Variants in ADIRF observed in about 807,000 individuals in gnomAD.
ADIRF encodes the protein adipogenesis factor rich in obesity.
In ADIRF, 9 loss-of-function variants were observed where a neutral mutation model predicts 7.8. The observed-to-expected ratio is 1.15, with a 90% CI of 0.70 to 2.01. The LOEUF (loss-of-function observed/expected upper bound fraction) is 2.01, where lower values mean the gene tolerates loss of function less well. ADIRF is among the 30% of genes most tolerant of loss of function. The pLI, the probability that ADIRF is intolerant of heterozygous loss-of-function variation, is 0.00. For missense variants in ADIRF, 106 were observed against 98.1 expected (o/e 1.08, Z -0.34); for synonymous variants, 48 against 39.9 (o/e 1.20, Z -0.77).
rs757892121 is a variant in ADIRF, at chr10:86,970,657, T to C, written c.*75T>C. Reference sequence around the variant, plus strand: ...GGTGACCCCCCTTCCAGGCGCCATCTAGCACAGCCTGGCCCTGATCTCCGG... The same window carrying C: ...GGTGACCCCCCTTCCAGGCGCCATCCAGCACAGCCTGGCCCTGATCTCCGG... On this transcript the variant is annotated 3_prime_UTR_variant, in exon 3 of 3. Transcript: ENST00000372013. 14 of 1,248,186 alleles carry C rather than the reference T, an allele frequency of 1.1e-5. No homozygotes were observed. Among genetic ancestry groups the C allele is most frequent in the Non-Finnish European group, 1.6e-5 (14 of 869,774 alleles). 77.3% of individuals were successfully genotyped at this position (1,248,186 alleles called of 1,614,324 possible).
At chr10:86,970,027 T>C (rs143591572) in intron 1 of ADIRF, 173 bp from the exon 2 acceptor site, 2 of 472,300 alleles carry the variant, frequency 4.2e-6, no homozygotes, top group Non-Finnish European at 7.1e-6. Flanking sequence ...CATGGAAAGG[T>C]CTCCTGCCCC....
At position 86,968,498 on chromosome 10, in the gene ADIRF, A is replaced by G; in HGVS notation, c.-47A>G. The G allele has an allele frequency of 6.2e-7, 1 of 1,610,384 alleles. No individual in the cohort carries two copies. The highest frequency in any genetic ancestry group is 8.5e-7 in the Non-Finnish European group (1 of 1,177,888). ...GGCATCGCCACTCTGGGCAGGATCC[A>G]ACGTCGCTCCAGCTGCTCTTGACGA... On this transcript the variant is annotated 5_prime_UTR_variant, in exon 1 of 3. Transcript: ENST00000372013.
At chr10:86,970,053 C>G in intron 1 of ADIRF, 147 bp from the exon 2 acceptor site, 1 of 725,538 alleles carries the variant, frequency 1.4e-6, no homozygotes, top group Non-Finnish European at 2.0e-6. Flanking sequence ...CTGGGGGGCC[C>G]TGGGCCAGGG....
At chr10:86,968,841 C>A (rs1311587819) in intron 1 of ADIRF, 7 of 502,908 alleles carry the variant, frequency 1.4e-5, no homozygotes, top group Non-Finnish European at 1.7e-5. Flanking sequence ...GCGCTGCGGG[C>A]ACTGCGGGAG....
rs1471216320 is a variant in ADIRF at position 86,970,517 on chromosome 10, A to G, written c.166A>G (p.Lys56Glu). ...LAKTTQETID[K>E]TANQASDTFS... ...CAAGACCACCCAGGAAACCATCGAC[A>G]AGACTGCTAACCAGGCCTCTGACAC... The change falls in exon 3 of 3, where the codon AAG becomes GAG. Residue 56 changes from lysine (K) to glutamate (E), a missense_variant. Transcript: ENST00000372013. The G allele has an allele frequency of 1.2e-6, 2 of 1,613,616 alleles. No homozygotes were observed. The highest frequency in any genetic ancestry group is 1.1e-5 in the South Asian group (1 of 90,890).
In ADIRF at chr10:86,970,500, C is replaced by G; in HGVS notation, c.149C>G (p.Thr50Ser). The G allele has an allele frequency of 6.2e-7, 1 of 1,613,552 alleles. No individual in the cohort carries two copies. The highest frequency in any genetic ancestry group is 8.5e-7 in the Non-Finnish European group (1 of 1,179,800). ...GCCATGGACCAGCTGGCCAAGACCACCCAGGAAACCATCGACAAGACTGCT... is the reference window on the plus strand; with the variant it reads ...GCCATGGACCAGCTGGCCAAGACCAGCCAGGAAACCATCGACAAGACTGCT... ...QKAMDQLAKTTQETIDKTANQ... is the reference protein window; with the variant it reads ...QKAMDQLAKTSQETIDKTANQ... Residue 50 changes from threonine (T) to serine (S), a missense_variant, in exon 3 of 3, where the codon ACC becomes AGC. By Grantham distance (58) the Thr-to-Ser change is moderately conservative. Coordinates refer to ENST00000372013, the MANE Select transcript of ADIRF (RefSeq NM_006829.3).
At chr10:86,970,000 C>T in intron 1 of ADIRF, 200 bp from the exon 2 acceptor site, 1 of 406,916 alleles carries the variant, frequency 2.5e-6, no homozygotes, top group African/African-American at 2.0e-5. Context: ...TAGAAATAAA[C>T]AAAAACATCC....
In ADIRF at chr10:86,970,558, G is replaced by T. The variant is rs1804882; in HGVS notation, c.207G>T (p.Gly69=). The T allele has an allele frequency of 1.9e-6, 3 of 1,612,704 alleles. No homozygotes were observed. The highest frequency in any genetic ancestry group is 1.7e-5 in the Admixed American group (1 of 59,858). ...NQASDTFSGI[G]KKFGLLK ...CCTCTGACACCTTCTCTGGGATTGG[G>T]AAAAAATTCGGCCTCCTGAAATGAC... Residue 69 remains glycine, a synonymous_variant, in exon 3 of 3, where the codon GGG becomes GGT. Coordinates refer to ENST00000372013, the MANE Select transcript of ADIRF (RefSeq NM_006829.3).
chr10:86,970,047 G>T, intron 1 of ADIRF, 153 bp from the exon 2 acceptor site: 1 of 627,832 alleles, frequency 1.6e-6, no homozygotes. Context: ...CTCGGGCTGG[G>T]GGGCCCTGGG....
In ADIRF at chr10:86,970,592, G is replaced by A. The variant is rs756892263; in HGVS notation, c.*10G>A. 14 of 1,596,866 alleles carry A rather than the reference G, an allele frequency of 8.8e-6. No homozygotes were observed. Among genetic ancestry groups the A allele is most frequent in the Non-Finnish European group, 1.2e-5 (14 of 1,168,572 alleles). ...CGGCCTCCTGAAATGACAGCAGGGAGACTTGGGTCGGCCTCCTGAAATGAC... is the reference window on the plus strand; with the variant it reads ...CGGCCTCCTGAAATGACAGCAGGGAAACTTGGGTCGGCCTCCTGAAATGAC... On this transcript the variant is annotated 3_prime_UTR_variant, in exon 3 of 3. Coordinates refer to ENST00000372013, the MANE Select transcript of ADIRF (RefSeq NM_006829.3).
At position 86,968,507 on chromosome 10, in the gene ADIRF, C is replaced by A. The variant is rs745579593; in HGVS notation, c.-38C>A. The A allele has an allele frequency of 1.2e-6, 2 of 1,612,300 alleles. No homozygotes were observed. The highest frequency in any genetic ancestry group is 1.1e-5 in the South Asian group (1 of 90,834). On this transcript the variant is annotated 5_prime_UTR_variant, in exon 1 of 3. Transcript: ENST00000372013. ...ACTCTGGGCAGGATCCAACGTCGCT[C>A]CAGCTGCTCTTGACGACTCCACAGA...
Position 86,970,540 on chromosome 10 carries a change from CACCTTCTCTGGGATTGGGA to C in ADIRF, c.191_209del (p.Thr64LysfsTer6), listed in dbSNP as rs1306837028. ...ACAAGACTGCTAACCAGGCCTCTGA[CACCTTCTCTGGGATTGGGA>C]AAAAATTCGGCCTCCTGAAATGACA... On this transcript the variant is annotated frameshift_variant, in exon 3 of 3. Transcript: ENST00000372013. LOFTEE classifies it high-confidence loss of function. The C allele has an allele frequency of 6.2e-7, 1 of 1,613,756 alleles. No individual in the cohort carries two copies. The highest frequency in any genetic ancestry group is 1.1e-5 in the South Asian group (1 of 90,932).
At position 86,970,187 on chromosome 10, in the gene ADIRF, C is replaced by A. The variant is rs1330978760; in HGVS notation, c.62-13C>A. The A allele has an allele frequency of 6.9e-7, 1 of 1,441,546 alleles. No homozygotes were observed. The highest frequency in any genetic ancestry group is 9.1e-7 in the Non-Finnish European group (1 of 1,093,522). 89.3% of individuals were successfully genotyped at this position (1,441,546 alleles called of 1,614,324 possible). A position where few individuals can be genotyped will look rare whatever the true frequency, so the allele number is the denominator to read the frequency against. On this transcript the variant is annotated splice_polypyrimidine_tract_variant and intron_variant, in intron 1 of 2. Coordinates refer to ENST00000372013, the MANE Select transcript of ADIRF (RefSeq NM_006829.3). ...CCTCAACAGGGGCTAAAAGCCACAT[C>A]TCTCTGTTCCAGTGTCAGCGGCCGG... is the stretch of plus-strand genomic sequence containing the variant.
Position 86,970,371 on chromosome 10 carries a change from C to A in ADIRF, c.125-105C>A, listed in dbSNP as rs1243462004. The A allele has an allele frequency of 2.7e-6, 4 of 1,505,722 alleles. No individual in the cohort carries two copies. The African/African-American group carries it at 5.5e-5, about 21-fold the overall frequency. The allele number at this position is 1,505,722 out of a possible 1,614,324, so 93.3% of individuals were successfully genotyped here. A position where few individuals can be genotyped will look rare whatever the true frequency, so the allele number is the denominator to read the frequency against. ...TCTCCTCTGCAGAGCCCTCTGTCCA[C>A]AATGCCCCAAGCAGGTCCCCCGGGA... On this transcript the variant is annotated intron_variant, in intron 2 of 2. Transcript: ENST00000372013.
Position 86,970,520 on chromosome 10 carries a change from A to G in ADIRF, c.169A>G (p.Thr57Ala), listed in dbSNP as rs145411502. ...GACCACCCAGGAAACCATCGACAAG[A>G]CTGCTAACCAGGCCTCTGACACCTT... ...AKTTQETIDKTANQASDTFSG... is the reference protein window; with the variant it reads ...AKTTQETIDKAANQASDTFSG... The change falls in exon 3 of 3, where the codon ACT (threonine) becomes GCT (alanine). Residue 57 changes from threonine to alanine, a missense_variant. By Grantham distance (58) the Thr-to-Ala change is moderately conservative. Transcript: ENST00000372013. 9.9e-6 allele frequency: 16 copies of G among 1,613,486 alleles called. No individual in the cohort carries two copies. Among genetic ancestry groups the G allele is most frequent in the Admixed American group, 5.0e-5 (3 of 59,942 alleles).
Position 86,970,543 on chromosome 10 carries a change from C to T in ADIRF, c.192C>T (p.Thr64=), listed in dbSNP as rs1844575385. Residue 64 remains threonine (T), a synonymous_variant, in exon 3 of 3, where the codon ACC becomes ACT. Transcript: ENST00000372013. ...IDKTANQASD[T]FSGIGKKFGL... ...AGACTGCTAACCAGGCCTCTGACAC[C>T]TTCTCTGGGATTGGGAAAAAATTCG... is the stretch of plus-strand genomic sequence containing the variant. 1.9e-6 allele frequency: 3 copies of T among 1,613,380 alleles called. No individual in the cohort carries two copies. Among genetic ancestry groups the T allele is most frequent in the Non-Finnish European group, 8.5e-7 (1 of 1,179,762 alleles).
chr10:86,968,769 C>A, intron 1 of ADIRF, 164 bp downstream of exon 1: 1 of 717,906 alleles, frequency 1.4e-6, no homozygotes, highest in South Asian at 2.1e-5. Flanking sequence ...CCCACCCCGG[C>A]GAGCAGACAG....
Position 86,970,632 on chromosome 10 carries a change from G to A in ADIRF, c.*50G>A. 6.7e-7 allele frequency: 1 copy of A among 1,484,642 alleles called. No individual in the cohort carries two copies. 92.0% of individuals were successfully genotyped at this position (1,484,642 alleles called of 1,614,324 possible). Reference sequence around the variant, plus strand: ...CCTGAAATGACAGCAGGGAGACTTGGGTGACCCCCCTTCCAGGCGCCATCT... The same window carrying A: ...CCTGAAATGACAGCAGGGAGACTTGAGTGACCCCCCTTCCAGGCGCCATCT... On this transcript the variant is annotated 3_prime_UTR_variant, in exon 3 of 3. Coordinates refer to ENST00000372013, the MANE Select transcript of ADIRF (RefSeq NM_006829.3).
chr10:86,968,819 G>A (rs1844521208), intron 1 of ADIRF: 1 of 540,680 alleles, frequency 1.8e-6, no homozygotes, highest in Non-Finnish European at 3.2e-6. Flanking sequence ...AGGCTCCGGA[G>A]GAGCCGGAGC....
Sources: allele counts gnomAD v4.1 joint callset, GRCh38; gene constraint gnomAD v4.1.1; transcripts MANE v1.5; gene names NCBI Gene and HGNC (gene_info 2026-07-23, HGNC 2026-07-21).